The following CHRM2 variants were observed in gnomAD, a reference collection of about 807,000 sequenced individuals.
CHRM2 encodes cholinergic receptor muscarinic 2, also known as muscarinic acetylcholine receptor M2.
In CHRM2, 8 loss-of-function variants were observed where a neutral mutation model predicts 25.0. The ratio of observed to expected loss-of-function variants is 0.32; its 90% CI spans 0.19 to 0.58. The LOEUF (loss-of-function observed/expected upper bound fraction) is 0.58. Ranked by LOEUF, CHRM2 falls within the 20% of genes least tolerant of loss-of-function variation. CHRM2 has a pLI of 0.88. For missense variants in CHRM2, 440 were observed against 567.1 expected, an observed-to-expected ratio of 0.78 and a Z score of 2.28; for synonymous variants, 202 against 205.7, an observed-to-expected ratio of 0.98 and a Z score of 0.15.
At chr7:136,945,250 T>C (rs527271141) in intron 2 of CHRM2, among the ~76,000 whole-genome samples, 1 of 152,160 alleles carries the variant, frequency 6.6e-6, no homozygotes, top group Admixed American at 6.5e-5. Context: ...CCAATCTATA[T>C]ATCTTTGTTT....
intron 2 of CHRM2, among the ~76,000 whole-genome samples, chr7:136,947,501 A>T (rs1800138393): frequency 6.6e-6 from 1 of 152,166 alleles, no homozygotes; most frequent in African/African-American, 2.4e-5. Flanking sequence ...TATCAATCTA[A>T]CTATCAGCAC....
chr7:136,964,342 C>T (rs1363961818), intron 2 of CHRM2, among the ~76,000 whole-genome samples: 1 of 151,872 alleles, frequency 6.6e-6, no homozygotes, highest in Non-Finnish European at 1.5e-5. Context: ...TAACTTTTAC[C>T]CTCCTGCAGA....
At chr7:136,969,370 T>A (rs767533308) in intron 2 of CHRM2, among the ~76,000 whole-genome samples, 27 of 152,316 alleles carry the variant, frequency 1.8e-4, no homozygotes, top group Non-Finnish European at 3.2e-4. Flanking sequence ...TGGATTCACC[T>A]GATTCCCGGT....
chr7:136,910,867 T>C (rs895567490), intron 2 of CHRM2, among the ~76,000 whole-genome samples: 1 of 150,760 alleles, frequency 6.6e-6, no homozygotes, highest in Non-Finnish European at 1.5e-5. Flanking sequence ...AATGAAATCA[T>C]TCAAATTATA....
intron 2 of CHRM2, among the ~76,000 whole-genome samples, chr7:136,877,202 G>A (rs538078422): frequency 4.6e-5 from 7 of 152,098 alleles, no homozygotes; most frequent in South Asian, 4.1e-4. Flanking sequence ...TGCTGTAGCC[G>A]GAGACTTTTT....
At chr7:136,894,430 G>A (rs1157993573) in intron 2 of CHRM2, among the ~76,000 whole-genome samples, 1 of 152,206 alleles carries the variant, frequency 6.6e-6, no homozygotes, top group East Asian at 1.9e-4. Flanking sequence ...GGACTGCAGT[G>A]GTGCGATCTC....
At chr7:136,874,325 A>T (rs962314822) in intron 2 of CHRM2, among the ~76,000 whole-genome samples, 1 of 152,024 alleles carries the variant, frequency 6.6e-6, no homozygotes, top group African/African-American at 2.4e-5. Context: ...TCCACTCTTT[A>T]TATATCTTTG....
At chr7:137,004,255 T>C (rs1443175310) in intron 3 of CHRM2, among the ~76,000 whole-genome samples, 3 of 152,134 alleles carry the variant, frequency 2.0e-5, no homozygotes, top group Non-Finnish European at 2.9e-5. Context: ...TTTTGTCAGA[T>C]GACACAGTAG....
At chr7:136,987,405 G>A (rs1802930371) in intron 2 of CHRM2, among the ~76,000 whole-genome samples, 1 of 152,200 alleles carries the variant, frequency 6.6e-6, no homozygotes, top group Non-Finnish European at 1.5e-5. Context: ...TGCACACTCT[G>A]AAACCATGAA....
At chr7:136,921,785 TC>T (rs1798450450) in intron 2 of CHRM2, among the ~76,000 whole-genome samples, 3 of 144,774 alleles carry the variant, frequency 2.1e-5, no homozygotes, top group Admixed American at 6.9e-5. Context: ...TTTCTTTCTT[TC>T]TTTCTTTCTT....
At position 136,935,201 on chromosome 7, in the gene CHRM2, T is replaced by C. The variant is rs148379098; in HGVS notation, c.-124-56986T>C. 6.8e-3 allele frequency among the ~76,000 whole-genome samples: 687 copies of C among 100,516 alleles called. 6 individuals are homozygous for C. The highest frequency in any genetic ancestry group is 0.025 in the African/African-American group (650 of 25,872). The allele number at this position is 100,516 out of a possible 152,430, so 65.9% of individuals were successfully genotyped here. A position where few individuals can be genotyped will look rare whatever the true frequency, so the allele number is the denominator to read the frequency against. ...CATGAAGTTACACTAATTAATGCAC[T>C]GTACTCCTGTTCAGGGGGGTAAACA... is the stretch of plus-strand genomic sequence containing the variant. On this transcript the variant is annotated intron_variant, in intron 2 of 3. Coordinates refer to ENST00000680005, the MANE Select transcript of CHRM2 (RefSeq NM_001006630.2).
intron 2 of CHRM2, among the ~76,000 whole-genome samples, chr7:136,888,387 G>A (rs1410577098): frequency 2.0e-5 from 3 of 152,182 alleles, no homozygotes; most frequent in Non-Finnish European, 4.4e-5. Flanking sequence ...TTTAATCCTT[G>A]CTTCAGCCTA....
chr7:136,927,144 G>C (rs1014597527), intron 2 of CHRM2, among the ~76,000 whole-genome samples: 5 of 152,146 alleles, frequency 3.3e-5, no homozygotes, highest in African/African-American at 1.2e-4. Flanking sequence ...AATATGCAAA[G>C]CTCTTAAAAC....
chr7:136,946,382 C>T (rs886464845), intron 2 of CHRM2, among the ~76,000 whole-genome samples: 2 of 152,124 alleles, frequency 1.3e-5, no homozygotes, highest in Non-Finnish European at 2.9e-5. Context: ...GTAGGAGATA[C>T]AATGATACAT....
intron 2 of CHRM2, among the ~76,000 whole-genome samples, chr7:136,891,540 C>T (rs1796691189): frequency 3.9e-5 from 6 of 152,168 alleles, no homozygotes; most frequent in Admixed American, 3.9e-4. Flanking sequence ...GCCAAGATAG[C>T]ATTTGCTGTG....
At chr7:136,937,274 A>G (rs1224464494) in intron 2 of CHRM2, among the ~76,000 whole-genome samples, 2 of 152,218 alleles carry the variant, frequency 1.3e-5, no homozygotes, top group South Asian at 2.1e-4. Flanking sequence ...CAAAGTTAGA[A>G]TTTGGGCTCT....
At chr7:136,912,125 T>G (rs1334165573) in intron 2 of CHRM2, among the ~76,000 whole-genome samples, 1 of 151,954 alleles carries the variant, frequency 6.6e-6, no homozygotes, top group African/African-American at 2.4e-5. Flanking sequence ...TTATAGGATT[T>G]TTTTTAATAT....
intron 2 of CHRM2, among the ~76,000 whole-genome samples, chr7:136,876,140 A>G (rs1471981135): frequency 6.6e-6 from 1 of 152,214 alleles, no homozygotes; most frequent in Non-Finnish European, 1.5e-5. Flanking sequence ...TACCTAATCA[A>G]TATAATAATA....
At chr7:136,940,523 G>A (rs1037264594) in intron 2 of CHRM2, among the ~76,000 whole-genome samples, 2 of 152,174 alleles carry the variant, frequency 1.3e-5, no homozygotes, top group Non-Finnish European at 1.5e-5. Flanking sequence ...TGAGATTTAA[G>A]AGCATAGCCA....
Sources: allele counts gnomAD v4.1 joint callset (sites outside exome capture counted in the v4.1 genomes callset), GRCh38; gene constraint gnomAD v4.1.1; transcripts MANE v1.5; gene names NCBI Gene and HGNC (gene_info 2026-07-23, HGNC 2026-07-21).